Variants in FAF1 observed in about 807,000 individuals in gnomAD.
FAF1 encodes Fas associated factor 1.
Under a neutral mutation model 92.5 loss-of-function variants are expected in FAF1, and 25 were observed. That is an observed-to-expected ratio of 0.27 (90% confidence interval 0.20 to 0.38). The LOEUF (loss-of-function observed/expected upper bound fraction) is 0.38. Among genes scored for constraint, FAF1 ranks in the 10% least tolerant of loss-of-function variants. The probability of loss-of-function intolerance (pLI) is 1.00; values close to 1 mark genes in which losing one functional copy is unlikely to be tolerated. For missense variants in FAF1, 636 were observed against 793.3 expected, an observed-to-expected ratio of 0.80 and a Z score of 2.38; for synonymous variants, 234 against 273.2, an observed-to-expected ratio of 0.86 and a Z score of 1.42.
intron 8 of FAF1, among the ~76,000 whole-genome samples, chr1:50,621,372 C>T (rs1384637430): frequency 6.6e-6 from 1 of 151,078 alleles, no homozygotes; most frequent in East Asian, 1.9e-4. Flanking sequence ...GGGAAGTTAG[C>T]CCCGATCTTT....
chr1:50,789,908 C>T (rs1352086705), intron 3 of FAF1, among the ~76,000 whole-genome samples: 2 of 152,184 alleles, frequency 1.3e-5, no homozygotes, highest in African/African-American at 2.4e-5. Context: ...TCCCGTTTCA[C>T]AGAGGAACAC....
intron 18 of FAF1, among the ~76,000 whole-genome samples, chr1:50,442,555 C>A (rs1047275974): frequency 1.3e-5 from 2 of 152,200 alleles, no homozygotes; most frequent in African/African-American, 4.8e-5. Context: ...ATGGGCAACT[C>A]CAAGTGTGTG....
intron 4 of FAF1, among the ~76,000 whole-genome samples, chr1:50,754,684 G>A (rs1227056537): frequency 2.0e-5 from 3 of 152,186 alleles, no homozygotes; most frequent in Non-Finnish European, 4.4e-5. Context: ...GATATGCCAT[G>A]TGTATTAGTC....
intron 4 of FAF1, among the ~76,000 whole-genome samples, chr1:50,745,196 G>T (rs2124496961): frequency 6.6e-6 from 1 of 152,304 alleles, no homozygotes; most frequent in East Asian, 1.9e-4. Flanking sequence ...AGCTACTCAA[G>T]AGGCTGAGGC....
intron 1 of FAF1, among the ~76,000 whole-genome samples, chr1:50,884,130 G>T (rs541147966): frequency 6.6e-6 from 1 of 152,152 alleles, no homozygotes; most frequent in African/African-American, 2.4e-5. Context: ...ACTTAACAAT[G>T]AAGTATAATG....
intron 6 of FAF1, among the ~76,000 whole-genome samples, chr1:50,731,242 C>G (rs1021659590): frequency 1.3e-5 from 2 of 152,190 alleles, no homozygotes; most frequent in African/African-American, 4.8e-5. Flanking sequence ...CCATGAAAGG[C>G]ACACTATAAA....
rs1387642016 is a variant in FAF1 at position 50,583,647 on chromosome 1, C to A, written c.1031+5G>T. ...AAATTTATATAGTTAATGTCCTAAC[C>A]CTACCTTGAAGAAAACTCTGCTGTA... On this transcript the variant is annotated splice_donor_5th_base_variant and intron_variant, in intron 11 of 18. Coordinates refer to ENST00000396153, the MANE Select transcript of FAF1 (RefSeq NM_007051.3). The surrounding 1 kb of genome is among the most constrained non-coding windows in gnomAD (Gnocchi z 4.2). 2 of 1,560,624 alleles carry A rather than the reference C, an allele frequency of 1.3e-6. No homozygotes were observed. Among genetic ancestry groups the A allele is most frequent in the Admixed American group, 1.8e-5 (1 of 57,076 alleles).
intron 1 of FAF1, among the ~76,000 whole-genome samples, chr1:50,924,699 TAGGCTAGGCACAG>T: frequency 6.6e-6 from 1 of 152,254 alleles, no homozygotes; most frequent in East Asian, 1.9e-4. Context: ...AAAAGATACA[TAGGCTAGGCACAG>T]TGGCTCACGC....
chr1:50,931,791 G>A (rs919964027), intron 1 of FAF1, among the ~76,000 whole-genome samples: 11 of 151,590 alleles, frequency 7.3e-5, no homozygotes, highest in African/African-American at 1.7e-4. Flanking sequence ...GCAGAATGGC[G>A]TGAACCAGGG....
chr1:50,665,841 A>G (rs763822343), intron 7 of FAF1, among the ~76,000 whole-genome samples: 1 of 152,214 alleles, frequency 6.6e-6, no homozygotes, highest in African/African-American at 2.4e-5. Context: ...TTATGTCTGT[A>G]TAAGTATAGG....
intron 18 of FAF1, among the ~76,000 whole-genome samples, chr1:50,468,517 T>C (rs1646529443): frequency 6.7e-6 from 1 of 149,936 alleles, no homozygotes; most frequent in Non-Finnish European, 1.5e-5. Context: ...TGGAGTACAG[T>C]GGTGCAATCT....
At chr1:50,833,415 G>C (rs1281996520) in intron 2 of FAF1, among the ~76,000 whole-genome samples, 1 of 151,900 alleles carries the variant, frequency 6.6e-6, no homozygotes, top group Non-Finnish European at 1.5e-5. Flanking sequence ...GGGCGGGTGT[G>C]TGGGAGACAG....
At chr1:50,688,163 AAAAAT>A (rs1202044879) in intron 7 of FAF1, among the ~76,000 whole-genome samples, 64 of 151,954 alleles carry the variant, frequency 4.2e-4, no homozygotes, top group Non-Finnish European at 7.2e-4. Flanking sequence ...AAATAAAAAT[AAAAAT>A]AAAATAAAAT....
chr1:50,680,811 G>A (rs1453279763), intron 7 of FAF1, among the ~76,000 whole-genome samples: 1 of 152,094 alleles, frequency 6.6e-6, no homozygotes, highest in African/African-American at 2.4e-5. Context: ...TCTGACAAAT[G>A]GTCAGAATTT....
At chr1:50,643,524 A>G (rs1328122838) in intron 8 of FAF1, among the ~76,000 whole-genome samples, 1 of 152,178 alleles carries the variant, frequency 6.6e-6, no homozygotes, top group Non-Finnish European at 1.5e-5. Flanking sequence ...TATCCCATCC[A>G]GTAAAATTTG....
chr1:50,749,354 A>T (rs1659754158), intron 4 of FAF1, among the ~76,000 whole-genome samples: 1 of 152,202 alleles, frequency 6.6e-6, no homozygotes, highest in Admixed American at 6.6e-5. Context: ...AAAAACAAGA[A>T]GGGACTTTAA....
intron 8 of FAF1, among the ~76,000 whole-genome samples, chr1:50,632,063 C>T (rs1201604627): frequency 6.6e-6 from 1 of 152,152 alleles, no homozygotes; most frequent in African/African-American, 2.4e-5. Context: ...TCACTACAGT[C>T]TTTAAATCTA....
intron 4 of FAF1, among the ~76,000 whole-genome samples, chr1:50,758,039 T>A (rs1660149393): frequency 2.0e-5 from 3 of 152,182 alleles, no homozygotes; most frequent in Admixed American, 1.3e-4. Flanking sequence ...TGCCTCAGCC[T>A]CCCGAGTAGC....
intron 3 of FAF1, among the ~76,000 whole-genome samples, chr1:50,793,221 T>G (rs922321914): frequency 6.6e-6 from 1 of 152,154 alleles, no homozygotes; most frequent in African/African-American, 2.4e-5. Context: ...AAATGAGGCA[T>G]GGTCCCCTAA....
Sources: allele counts gnomAD v4.1 joint callset (sites outside exome capture counted in the v4.1 genomes callset), GRCh38; gene constraint gnomAD v4.1.1; non-coding constraint Gnocchi (gnomAD v3.1); transcripts MANE v1.5; gene names NCBI Gene and HGNC (gene_info 2026-07-23, HGNC 2026-07-21).